DENND1A: variants seen among roughly 807,000 people sequenced by gnomAD.
DENND1A encodes DENN domain containing 1A, also known as DENN domain-containing protein 1A.
Under a neutral mutation model 113.7 loss-of-function variants are expected in DENND1A, and 51 were observed. The observed-to-expected ratio is 0.45, with a 90% CI of 0.36 to 0.57. The LOEUF (loss-of-function observed/expected upper bound fraction) is 0.57, where lower values mean the gene tolerates loss of function less well. Among genes scored for constraint, DENND1A ranks in the 20% least tolerant of loss-of-function variants. The pLI is 0.00. For missense variants in DENND1A, 1,258 were observed against 1,395.9 expected (o/e 0.90, Z 1.57); for synonymous variants, 565 against 570.8 (o/e 0.99, Z 0.14).
chr9:123,596,546 T>C (rs2059700761), intron 11 of DENND1A, among the ~76,000 whole-genome samples: 1 of 152,158 alleles, frequency 6.6e-6, no homozygotes, highest in Non-Finnish European at 1.5e-5. Flanking sequence ...TCATAGAGTA[T>C]CAGAGTTAAG....
chr9:123,591,991 A>ACT (rs888283102), intron 11 of DENND1A, among the ~76,000 whole-genome samples: 59 of 152,362 alleles, frequency 3.9e-4, no homozygotes, highest in African/African-American at 1.3e-3. Flanking sequence ...CTGCTTCTGT[A>ACT]CTGTGTAAAC....
chr9:123,675,161 GT>G lies in DENND1A; in HGVS notation c.372+1558del, dbSNP rs1362101368. 2.0e-5 allele frequency among the ~76,000 whole-genome samples: 3 copies of G among 152,090 alleles called. 1 individual carries two copies. Among genetic ancestry groups the G allele is most frequent in the Non-Finnish European group, 4.4e-5 (3 of 68,016 alleles). On this transcript the variant is annotated intron_variant, in intron 6 of 23. Coordinates refer to ENST00000394215, the MANE Select transcript of DENND1A (RefSeq NM_001352964.2). ...CTATTAGTTATTCCTTCCATTTACT[GT>G]GACCTCTGGAATACATTTGCCAGTG...
intron 1 of DENND1A, among the ~76,000 whole-genome samples, chr9:123,887,921 A>C (rs1256299240): frequency 1.3e-5 from 2 of 152,230 alleles, no homozygotes; most frequent in Admixed American, 6.5e-5. Context: ...AATGTGCTCA[A>C]GGTTTATATG....
chr9:123,454,302 T>C (rs78527412), intron 16 of DENND1A, among the ~76,000 whole-genome samples: 2 of 152,332 alleles, frequency 1.3e-5, no homozygotes, highest in East Asian at 3.9e-4. Context: ...CCCTGGCTCC[T>C]GACACATCAA....
intron 5 of DENND1A, among the ~76,000 whole-genome samples, chr9:123,755,089 G>A (rs1046361915): frequency 1.3e-5 from 2 of 151,316 alleles, no homozygotes; most frequent in Non-Finnish European, 2.9e-5. Flanking sequence ...GGACAACACA[G>A]GCTTGAGCTG....
At chr9:123,605,909 G>A (rs2060133892) in intron 11 of DENND1A, among the ~76,000 whole-genome samples, 2 of 152,114 alleles carry the variant, frequency 1.3e-5, no homozygotes, top group Admixed American at 1.3e-4. Context: ...ATATGCAAAG[G>A]CATAATAAGG....
At chr9:123,667,547 G>T (rs898668366) in intron 7 of DENND1A, among the ~76,000 whole-genome samples, 1 of 152,194 alleles carries the variant, frequency 6.6e-6, no homozygotes, top group Non-Finnish European at 1.5e-5. Flanking sequence ...AACCCGGGAG[G>T]TGGAGGTTGC....
chr9:123,613,182 G>A (rs949989294), intron 10 of DENND1A, among the ~76,000 whole-genome samples: 3 of 152,158 alleles, frequency 2.0e-5, no homozygotes, highest in Non-Finnish European at 4.4e-5. Context: ...CTCGTCAGGA[G>A]GGTGCCTTTC....
intron 5 of DENND1A, among the ~76,000 whole-genome samples, chr9:123,677,192 C>T (rs1248215966): frequency 1.3e-5 from 2 of 152,132 alleles, no homozygotes; most frequent in African/African-American, 2.4e-5. Flanking sequence ...GACACACACA[C>T]AGCATTCCCA....
At position 123,825,952 on chromosome 9, in the gene DENND1A, C is replaced by T. The variant is rs995736642; in HGVS notation, c.89-33322G>A. Among the ~76,000 whole-genome samples, 14 of 152,326 alleles carry T rather than the reference C, an allele frequency of 9.2e-5. No homozygotes were observed. The South Asian group carries it at 2.9e-3, about 32-fold the overall frequency. On this transcript the variant is annotated intron_variant, in intron 2 of 23. Transcript: ENST00000394215. ...TGGTTCCATCAGTTTTCTTTTTCTG[C>T]TGCCATGAGAAAAGGATGTCCCAGA... is the stretch of plus-strand genomic sequence containing the variant.
chr9:123,630,201 TGG>T (rs1564846435), intron 10 of DENND1A, among the ~76,000 whole-genome samples, 173 bp downstream of exon 10: 3 of 140,684 alleles, frequency 2.1e-5, no homozygotes, highest in Non-Finnish European at 4.5e-5. Context: ...CCACCATGAC[TGG>T]CTTTTTTTTT....
chr9:123,439,051 C>T lies in DENND1A; in HGVS notation c.1488+1309G>A, dbSNP rs563610798. Among the ~76,000 whole-genome samples the T allele has an allele frequency of 2.7e-4, 41 of 152,332 alleles. 1 individual carries two copies. In the South Asian group the frequency reaches 7.5e-3, roughly 28 times the overall value. On this transcript the variant is annotated intron_variant, in intron 19 of 23. Coordinates refer to ENST00000394215, the MANE Select transcript of DENND1A (RefSeq NM_001352964.2). ...GCAGGAAGCTGACTCTGGAATGCCA[C>T]GCTGGCGACAACCAGGGGCTGTGCT...
intron 20 of DENND1A, among the ~76,000 whole-genome samples, chr9:123,407,108 T>C: frequency 8.3e-6 from 1 of 119,826 alleles, no homozygotes; most frequent in Admixed American, 1.2e-4. Flanking sequence ...ATCAGCGGGA[T>C]CGGTGGAGGA....
rs747278506 is a variant in DENND1A at position 123,382,124 on chromosome 9, C to T, written c.2521G>A (p.Asp841Asn). The change falls in exon 24 of 24, where the codon GAC becomes AAC. Residue 841 changes from aspartate to asparagine, a missense_variant. This residue lies in a region of DENND1A where 1,159 missense variants were observed against 1,231.7 expected (regional missense o/e 0.94). Transcript: ENST00000394215. The stretch of plus-strand genomic sequence containing the variant: ...GGGTCCAGGAGGGCGAGCAGGGCGT[C>T]ACTGCTCGTGCCTGCAGCCCCGGGG... Reference protein sequence around the residue: ...PGPGAAGTSSDALLALLDPLS... With the variant: ...PGPGAAGTSSNALLALLDPLS... The T allele has an allele frequency of 1.3e-5, 20 of 1,584,194 alleles. No homozygotes were observed. Among genetic ancestry groups the T allele is most frequent in the Non-Finnish European group, 1.6e-5 (19 of 1,165,686 alleles).
Position 123,928,328 on chromosome 9 carries a change from G to A in DENND1A, c.17+1561C>T, listed in dbSNP as rs1857444310. On this transcript the variant is annotated intron_variant, in intron 1 of 23. Coordinates refer to ENST00000394215, the MANE Select transcript of DENND1A (RefSeq NM_001352964.2). ...TTTCTGAACTTTTCTGTAACAAGAAGGGTAAGTGTCCTCACGCATACTCTG... is the reference window on the plus strand; with the variant it reads ...TTTCTGAACTTTTCTGTAACAAGAAAGGTAAGTGTCCTCACGCATACTCTG... Among the ~76,000 whole-genome samples the A allele has an allele frequency of 2.0e-5, 3 of 152,214 alleles. No homozygotes were observed. The South Asian group carries it at 6.2e-4, about 32-fold the overall frequency.
intron 2 of DENND1A, among the ~76,000 whole-genome samples, chr9:123,837,692 C>T (rs1841241525): frequency 6.6e-6 from 1 of 152,132 alleles, no homozygotes; most frequent in South Asian, 2.1e-4. Context: ...TCAACCTAAA[C>T]CTCAAGGTCA....
chr9:123,396,612 G>A (rs1482807452), intron 21 of DENND1A, among the ~76,000 whole-genome samples: 1 of 152,234 alleles, frequency 6.6e-6, no homozygotes, highest in Non-Finnish European at 1.5e-5. Context: ...AAATGCTTCT[G>A]GCAGCTTCTT....
In DENND1A at chr9:123,697,167, A is replaced by C. The variant is rs1047172122; in HGVS notation, c.303-20378T>G. Among the ~76,000 whole-genome samples, 4 of 152,222 alleles carry C rather than the reference A, an allele frequency of 2.6e-5. No individual in the cohort carries two copies. The East Asian group carries it at 7.7e-4, about 29-fold the overall frequency. On this transcript the variant is annotated intron_variant, in intron 5 of 23. Coordinates refer to ENST00000394215, the MANE Select transcript of DENND1A (RefSeq NM_001352964.2). ...ATTTTAACAGGAGAAAAGGGAAAAA[A>C]TTATGCACACATGCACATTTATTTA...
Position 123,439,459 on chromosome 9 carries a change from T to C in DENND1A, c.1488+901A>G, listed in dbSNP as rs367738547. Among the ~76,000 whole-genome samples the C allele has an allele frequency of 2.4e-4, 37 of 152,334 alleles. 1 individual carries two copies. Among genetic ancestry groups the C allele is most frequent in the African/African-American group, 8.9e-4 (37 of 41,572 alleles). On this transcript the variant is annotated intron_variant, in intron 19 of 23. Transcript: ENST00000394215. ...TGCCTGGTGCATAGTAGGCACCTGA[T>C]AAAGGTCTGTTTAAAACAGGAATGT...
Sources: allele counts gnomAD v4.1 joint callset (sites outside exome capture counted in the v4.1 genomes callset), GRCh38; gene constraint gnomAD v4.1.1; regional missense constraint gnomAD v4.1.1; transcripts MANE v1.5; gene names NCBI Gene and HGNC (gene_info 2026-07-23, HGNC 2026-07-21).